Variants in BRSK2 observed in about 807,000 individuals in gnomAD.
The protein encoded by BRSK2 is BR serine/threonine kinase 2, also known as serine/threonine-protein kinase BRSK2.
A neutral mutation model predicts 83.3 loss-of-function variants in BRSK2; 19 were observed. That is an observed-to-expected ratio of 0.23 (90% confidence interval 0.16 to 0.33). BRSK2 has a LOEUF of 0.33. Among genes scored for constraint, BRSK2 ranks in the 10% least tolerant of loss-of-function variants. The pLI, the probability that BRSK2 is intolerant of heterozygous loss-of-function variation, is 1.00. For missense variants in BRSK2, 798 were observed against 1,042.3 expected (o/e 0.77, Z 3.23); for synonymous variants, 519 against 435.4 (o/e 1.19, Z -2.39).
intron 12 of BRSK2, 35 bp from the exon 13 acceptor site, chr11:1,449,741 G>A (rs1845571829): frequency 6.3e-7 from 1 of 1,591,264 alleles, no homozygotes; most frequent in South Asian, 1.1e-5. Flanking sequence ...ACTGCCCCCT[G>A]GCTGAGCAGT....
intron 1 of BRSK2, among the ~76,000 whole-genome samples, chr11:1,415,984 T>C (rs901587274): frequency 2.6e-5 from 4 of 152,226 alleles, no homozygotes; most frequent in African/African-American, 9.6e-5. Context: ...AGTTTCAAAG[T>C]CCATTGCCAG....
At chr11:1,443,171 G>C (rs1050320713) in intron 6 of BRSK2, 32 bp downstream of exon 6, 1 of 1,536,726 alleles carries the variant, frequency 6.5e-7, no homozygotes, top group South Asian at 1.2e-5. Flanking sequence ...CAGCTCTGTG[G>C]GGCCCAGGGT....
chr11:1,452,581 G>A (rs1845929568), intron 15 of BRSK2, among the ~76,000 whole-genome samples: 1 of 152,210 alleles, frequency 6.6e-6, no homozygotes, highest in African/African-American at 2.4e-5. Context: ...CCCCTCTCAA[G>A]GGTCCGGCAC....
chr11:1,434,451 G>A (rs1850015183), intron 1 of BRSK2, among the ~76,000 whole-genome samples: 1 of 148,112 alleles, frequency 6.8e-6, no homozygotes, highest in Non-Finnish European at 1.5e-5. Context: ...GATAATATGG[G>A]CCAGGATCTG....
chr11:1,411,255 T>A, intron 1 of BRSK2: 1 of 1,296,522 alleles, frequency 7.7e-7, no homozygotes, highest in Non-Finnish European at 9.7e-7. Flanking sequence ...ACAGCCTTGC[T>A]CCTGGGCCAG....
chr11:1,426,220 GGA>G (rs1849197267), intron 1 of BRSK2, among the ~76,000 whole-genome samples: 1 of 97,018 alleles, frequency 1.0e-5, no homozygotes, highest in Non-Finnish European at 2.1e-5. Context: ...CGGGCACTGG[GGA>G]TGTGTGTGGG....
At chr11:1,459,131 CAGA>C (rs1847055800) in intron 18 of BRSK2, 58 bp from the exon 19 acceptor site, 1 of 1,563,178 alleles carries the variant, frequency 6.4e-7, no homozygotes, top group African/African-American at 1.4e-5. Flanking sequence ...GGCGTCCAGC[CAGA>C]AGGCCCAGGA....
In BRSK2 at chr11:1,423,208, G is replaced by T. The variant is rs1231290984; in HGVS notation, c.92-12832G>T. 6.6e-6 allele frequency among the ~76,000 whole-genome samples: 1 copy of T among 152,154 alleles called. No individual in the cohort carries two copies. Among genetic ancestry groups the T allele is most frequent in the Non-Finnish European group, 1.5e-5 (1 of 68,022 alleles). On this transcript the variant is annotated intron_variant, in intron 1 of 19. Transcript: ENST00000528841. The surrounding 1 kb of genome is among the most constrained non-coding windows in gnomAD (Gnocchi z 6.5). The stretch of plus-strand genomic sequence containing the variant: ...TGCCTCGTGGGGGACATGGTGCCTT[G>T]TGGGGTACGTGGTGGAGACGGTGGG...
At chr11:1,413,998 A>G (rs1176012360) in intron 1 of BRSK2, among the ~76,000 whole-genome samples, 1 of 152,256 alleles carries the variant, frequency 6.6e-6, no homozygotes, top group Non-Finnish European at 1.5e-5. Flanking sequence ...CTGTAGCCAG[A>G]CTTGGAAATA....
chr11:1,446,045 T>A (rs1008063222), intron 12 of BRSK2, 138 bp downstream of exon 12: 4 of 810,020 alleles, frequency 4.9e-6, no homozygotes, highest in Non-Finnish European at 7.1e-6. Flanking sequence ...AAACTGGGCT[T>A]AGCTGGGCTG....
At chr11:1,444,701 C>A (rs1439475922) in intron 8 of BRSK2, among the ~76,000 whole-genome samples, 1 of 151,784 alleles carries the variant, frequency 6.6e-6, no homozygotes, top group Non-Finnish European at 1.5e-5. Flanking sequence ...CTGGAGCACC[C>A]CCTCCGACTC....
intron 1 of BRSK2, among the ~76,000 whole-genome samples, chr11:1,422,549 C>A (rs10833730): frequency 0.69 from 104,115 of 151,934 alleles, 36,544 homozygotes; most frequent in Non-Finnish European, 0.76. Context: ...TACAGTGCCC[C>A]CACCCCGAGG....
intron 1 of BRSK2, chr11:1,411,592 C>T (rs771241276): frequency 1.3e-6 from 2 of 1,581,448 alleles, no homozygotes; most frequent in Non-Finnish European, 1.7e-6. Context: ...CTCCACCTTC[C>T]TCAAGGCCAG....
Position 1,454,697 on chromosome 11 carries a change from G to C in BRSK2, c.1668+89G>C, listed in dbSNP as rs1846258790. 6.5e-7 allele frequency: 1 copy of C among 1,529,864 alleles called. No individual in the cohort carries two copies. Among genetic ancestry groups the C allele is most frequent in the African/African-American group, 1.4e-5 (1 of 73,142 alleles). The allele number at this position is 1,529,864 out of a possible 1,614,324, so 94.8% of individuals were successfully genotyped here. On this transcript the variant is annotated intron_variant, in intron 16 of 19. Coordinates refer to ENST00000528841, the MANE Select transcript of BRSK2 (RefSeq NM_001256627.2). This position sits in a 1 kb window ranked among gnomAD's most constrained non-coding sequence, Gnocchi z 5.2. ...GAATCCAGCCTCCTCACGTAGACAG[G>C]ACATGTCCACGCGCACAGCACGGAC... is the stretch of plus-strand genomic sequence containing the variant.
intron 1 of BRSK2, among the ~76,000 whole-genome samples, chr11:1,400,258 GA>G (rs759772890): frequency 6.5e-4 from 99 of 152,160 alleles, no homozygotes; most frequent in Non-Finnish European, 1.1e-3. Context: ...CCATGGCTGG[GA>G]GCTGTTCCCA....
intron 19 of BRSK2, among the ~76,000 whole-genome samples, chr11:1,459,765 C>G (rs1368427800): frequency 6.6e-6 from 1 of 152,238 alleles, no homozygotes; most frequent in African/African-American, 2.4e-5. Flanking sequence ...GCCCCCATCC[C>G]AGGGACCCGG....
intron 1 of BRSK2, among the ~76,000 whole-genome samples, chr11:1,435,205 C>G (rs1850120681): frequency 6.9e-6 from 1 of 145,506 alleles, no homozygotes; most frequent in Non-Finnish European, 1.5e-5. Context: ...AGCATCTCAG[C>G]AGAGGAGGGG....
At chr11:1,455,850 T>C (rs12577347) in intron 16 of BRSK2, among the ~76,000 whole-genome samples, 60,818 of 151,588 alleles carry the variant, frequency 0.4, 12,821 homozygotes, top group African/African-American at 0.51. Flanking sequence ...CTCGGTACTG[T>C]GAAGCCCACC....
chr11:1,445,498 A>T (rs1236440197), intron 10 of BRSK2, 40 bp downstream of exon 10: 1 of 1,608,164 alleles, frequency 6.2e-7, no homozygotes, highest in African/African-American at 1.3e-5. Context: ...ACGGGGCCTG[A>T]GGTGGGAGCG....
Sources: allele counts gnomAD v4.1 joint callset (sites outside exome capture counted in the v4.1 genomes callset), GRCh38; gene constraint gnomAD v4.1.1; non-coding constraint Gnocchi (gnomAD v3.1); transcripts MANE v1.5; gene names NCBI Gene and HGNC (gene_info 2026-07-23, HGNC 2026-07-21).